POLR1D: variants seen among roughly 807,000 people sequenced by gnomAD.
POLR1D encodes the protein RNA polymerase I and III subunit D, also known as DNA-directed RNA polymerases I and III subunit RPAC2.
Under a neutral mutation model 10.8 loss-of-function variants are expected in POLR1D, and 8 were observed. The observed-to-expected ratio is 0.74, with a 90% CI of 0.43 to 1.33. The LOEUF (loss-of-function observed/expected upper bound fraction) is 1.33. POLR1D is among the 40% of genes most tolerant of loss of function. POLR1D has a pLI of 0.01. For synonymous variants in POLR1D, 54 were observed against 57.2 expected (o/e 0.94, Z 0.25); for missense variants, 152 against 161.7 (o/e 0.94, Z 0.32).
At chr13:27,630,359 A>G (rs891639946) in intron 1 of POLR1D, among the ~76,000 whole-genome samples, 6 of 152,340 alleles carry the variant, frequency 3.9e-5, no homozygotes, top group Middle Eastern at 6.8e-3. Context: ...CAATTTTATT[A>G]AAAGGACTCC....
chr13:27,657,356 C>A (rs906430893), intron 2 of POLR1D, among the ~76,000 whole-genome samples: 17 of 151,894 alleles, frequency 1.1e-4, no homozygotes, highest in African/African-American at 4.1e-4. Flanking sequence ...ACAGTGAAAC[C>A]CCATCTCTAC....
chr13:27,626,370 C>T (rs1055318310), downstream of POLR1D, among the ~76,000 whole-genome samples: 1 of 152,220 alleles, frequency 6.6e-6, no homozygotes, highest in South Asian at 2.1e-4. Flanking sequence ...AGAATTTAGA[C>T]TGATCACGTA....
At chr13:27,641,767 G>C (rs1956175321) in intron 1 of POLR1D, among the ~76,000 whole-genome samples, 1 of 152,180 alleles carries the variant, frequency 6.6e-6, no homozygotes. Context: ...TTGGTGGAGA[G>C]GTAATGTGAG....
chr13:27,655,802 G>GAATCA (rs1956302920), intron 2 of POLR1D, among the ~76,000 whole-genome samples: 1 of 144,492 alleles, frequency 6.9e-6, no homozygotes, highest in Non-Finnish European at 1.6e-5. Flanking sequence ...ACATTAGTGA[G>GAATCA]AGAATAGAGA....
At chr13:27,658,755 T>C (rs918475196) in intron 2 of POLR1D, among the ~76,000 whole-genome samples, 2 of 152,206 alleles carry the variant, frequency 1.3e-5, no homozygotes, top group Non-Finnish European at 2.9e-5. Context: ...AGCTGAAATA[T>C]TGGCTCATAT....
chr13:27,627,736 T>G (rs995519574), downstream of POLR1D, among the ~76,000 whole-genome samples: 6 of 121,268 alleles, frequency 4.9e-5, no homozygotes, highest in Admixed American at 4.5e-4. Flanking sequence ...AGTTTTTTTT[T>G]TTTTTTTTTT....
chr13:27,654,977 G>A (rs1454126372), intron 2 of POLR1D, among the ~76,000 whole-genome samples: 1 of 152,134 alleles, frequency 6.6e-6, no homozygotes, highest in Non-Finnish European at 1.5e-5. Flanking sequence ...CATGAGTCTG[G>A]AGGACTCTCA....
At chr13:27,622,285 C>G (rs898243323) in intron 1 of POLR1D, 1 of 564,154 alleles carries the variant, frequency 1.8e-6, no homozygotes, top group Non-Finnish European at 3.2e-6. Context: ...CGCCCCGGGC[C>G]TCTGCTCCTG....
rs1956385730 is a variant in POLR1D at position 27,663,535 on chromosome 13, G to A, written c.102-2151G>A. Among the ~76,000 whole-genome samples the A allele has an allele frequency of 6.6e-6, 1 of 152,224 alleles. No homozygotes were observed. Among genetic ancestry groups the A allele is most frequent in the Non-Finnish European group, 1.5e-5 (1 of 68,048 alleles). ...GGGTTACACTAGCAGTTGGAAGATA[G>A]GTGCAGTCCCCTCTGCCTCTTGGCG... On this transcript the variant is annotated intron_variant, in intron 2 of 2. Transcript: ENST00000399697. The surrounding 1 kb of genome is among the most constrained non-coding windows in gnomAD (Gnocchi z 4.1).
rs575348348 is a variant in POLR1D at position 27,635,586 on chromosome 13, A to G, written c.27-12793A>G. Among the ~76,000 whole-genome samples the G allele has an allele frequency of 1.3e-4, 20 of 152,008 alleles. 1 individual carries two copies. In the South Asian group the frequency reaches 2.5e-3, roughly 19 times the overall value. ...GCACATGATATTTTAGTTAACATAC[A>G]TAACTATCAATAGTCTATCTATGAT... On this transcript the variant is annotated intron_variant, in intron 1 of 2. Transcript: ENST00000399697.
At chr13:27,646,046 G>C (rs1488393547) in intron 1 of POLR1D, 1 of 152,136 alleles carries the variant, frequency 6.6e-6, no homozygotes, top group Non-Finnish European at 1.5e-5. Context: ...CTATAGTCTG[G>C]TCCAGAAAGC....
intron 1 of POLR1D, among the ~76,000 whole-genome samples, chr13:27,628,938 C>T (rs556126919): frequency 6.6e-6 from 1 of 152,340 alleles, no homozygotes; most frequent in South Asian, 2.1e-4. Context: ...ACCTCAGCCT[C>T]CTGAGCAGCT....
At chr13:27,652,209 T>G (rs963669535) in intron 2 of POLR1D, among the ~76,000 whole-genome samples, 4 of 152,182 alleles carry the variant, frequency 2.6e-5, no homozygotes, top group African/African-American at 9.6e-5. Flanking sequence ...TTCAAGGGGA[T>G]TGGTTGTTTC....
At chr13:27,627,804 T>G (rs1956031855), downstream of POLR1D, among the ~76,000 whole-genome samples, 1 of 140,240 alleles carries the variant, frequency 7.1e-6, no homozygotes, top group Admixed American at 7.6e-5. Context: ...AAGACAGCAG[T>G]GAACTGGGGA....
At position 27,623,392 on chromosome 13, in the gene POLR1D, G is replaced by C; in HGVS notation, c.*142G>C. ...TTCTAGCTGTTGACCCCTTGCAGCT[G>C]TTGGAATCTCTGCAAGAACCTCTGT... On this transcript the variant is annotated 3_prime_UTR_variant, in exon 2 of 2. Coordinates refer to ENST00000302979, the MANE Select transcript of POLR1D (RefSeq NM_015972.4). 2 of 1,490,064 alleles carry C rather than the reference G, an allele frequency of 1.3e-6. No individual in the cohort carries two copies. Among genetic ancestry groups the C allele is most frequent in the Non-Finnish European group, 1.8e-6 (2 of 1,121,560 alleles). 92.3% of individuals were successfully genotyped at this position (1,490,064 alleles called of 1,614,324 possible).
At chr13:27,635,789 G>T (rs1956120452) in intron 1 of POLR1D, among the ~76,000 whole-genome samples, 1 of 149,688 alleles carries the variant, frequency 6.7e-6, no homozygotes, top group African/African-American at 2.5e-5. Flanking sequence ...AAGGATAGTA[G>T]AAATATCTTC....
chr13:27,646,486 A>G (rs1956221729), intron 1 of POLR1D, among the ~76,000 whole-genome samples: 1 of 152,168 alleles, frequency 6.6e-6, no homozygotes, highest in Admixed American at 6.5e-5. Context: ...GTGATTCCAT[A>G]AGAGGTTGGG....
intron 2 of POLR1D, among the ~76,000 whole-genome samples, chr13:27,664,190 C>T (rs1326470083): frequency 6.6e-6 from 1 of 152,136 alleles, no homozygotes; most frequent in African/African-American, 2.4e-5. Context: ...GCCAGCGTGC[C>T]CCCAGGAGGT....
intron 1 of POLR1D, 86 bp downstream of exon 1, chr13:27,622,095 G>A: frequency 1.3e-5 from 15 of 1,145,714 alleles, no homozygotes; most frequent in Non-Finnish European, 1.9e-5. Flanking sequence ...CCTGGCAGCC[G>A]GGGCCTGACT....
Sources: allele counts gnomAD v4.1 joint callset (sites outside exome capture counted in the v4.1 genomes callset), GRCh38; gene constraint gnomAD v4.1.1; non-coding constraint Gnocchi (gnomAD v3.1); transcripts MANE v1.5; gene names NCBI Gene and HGNC (gene_info 2026-07-23, HGNC 2026-07-21).